Variants in CDKN2B-AS1 observed in about 807,000 individuals in gnomAD.
CDKN2B-AS1 encodes CDKN2B and CDKN2A antisense cis and trans regulatory RNA 1.
intron 1 of CDKN2B-AS1, chr9:22,029,671 A>C (rs1026827712): frequency 1.6e-5 from 8 of 491,268 alleles, no homozygotes; most frequent in Non-Finnish European, 2.9e-5. Flanking sequence ...GTTCTCTTCC[A>C]AATTTAATCT....
At chr9:22,004,357 A>G (rs1245315598) in intron 1 of CDKN2B-AS1, 5 of 232,094 alleles carry the variant, frequency 2.2e-5, no homozygotes, top group Non-Finnish European at 8.5e-6. Context: ...TGGTAGAATG[A>G]GCATTTAGAA....
At chr9:22,106,109 G>A (rs1235950429) in intron 4 of CDKN2B-AS1, among the ~76,000 whole-genome samples, 1 of 151,760 alleles carries the variant, frequency 6.6e-6, no homozygotes, top group Non-Finnish European at 1.5e-5. Context: ...TCGAGACCGT[G>A]TCTCACTCTG....
chr9:22,098,157 CTGTGTGTGTGTGTGTGTGTG>C (rs35998780), intron 4 of CDKN2B-AS1, among the ~76,000 whole-genome samples: 1 of 146,016 alleles, frequency 6.8e-6, no homozygotes, highest in African/African-American at 2.5e-5. Context: ...CTCTCTGTCT[CTGTGTGTGTGTGTGTGTGTG>C]TGTGTGTGTA....
chr9:22,031,596 T>C (rs1483683072), intron 1 of CDKN2B-AS1, among the ~76,000 whole-genome samples: 1 of 152,178 alleles, frequency 6.6e-6, no homozygotes, highest in Non-Finnish European at 1.5e-5. Flanking sequence ...TAGACCTGAT[T>C]ATTTTGTGGT....
intron 4 of CDKN2B-AS1, among the ~76,000 whole-genome samples, chr9:22,102,259 T>C (rs1825512481): frequency 6.6e-6 from 1 of 152,200 alleles, no homozygotes; most frequent in Non-Finnish European, 1.5e-5. Context: ...CGATCAGTTT[T>C]AGTACTGAAA....
intron 4 of CDKN2B-AS1, among the ~76,000 whole-genome samples, chr9:22,102,121 A>T (rs1825505642): frequency 6.6e-6 from 1 of 152,190 alleles, no homozygotes. Context: ...AAATGGGAAG[A>T]TTTGGCCGTA....
chr9:22,066,937 C>G (rs551207199), intron 4 of CDKN2B-AS1, among the ~76,000 whole-genome samples: 13 of 152,156 alleles, frequency 8.5e-5, no homozygotes, highest in Admixed American at 3.3e-4. Context: ...AAGCTGGAAA[C>G]CATCATTCTG....
intron 1 of CDKN2B-AS1, among the ~76,000 whole-genome samples, chr9:22,020,033 C>T (rs1358558778): frequency 6.6e-6 from 1 of 152,128 alleles, no homozygotes; most frequent in Non-Finnish European, 1.5e-5. Context: ...CATCTTCCAC[C>T]TTCTGATAGG....
intron 4 of CDKN2B-AS1, among the ~76,000 whole-genome samples, chr9:22,106,164 C>T (rs1174505334): frequency 6.6e-6 from 1 of 152,156 alleles, no homozygotes; most frequent in Non-Finnish European, 1.5e-5. Flanking sequence ...CTCACTGCAA[C>T]TTCCACCTCC....
rs1330529585 is a variant in CDKN2B-AS1, at chr9:22,005,757, C to T, written n.29+10596C>T. The stretch of plus-strand genomic sequence containing the variant: ...ACTCCTAAATATCCCTGGAAATCCG[C>T]TTCTCTGTGTTTCGCTTCATGGTGA... On this transcript the variant is annotated intron_variant and non_coding_transcript_variant, in intron 1 of 4. Coordinates refer to ENST00000650946, the Ensembl canonical transcript of CDKN2B-AS1. This position sits in a 1 kb window ranked among gnomAD's most constrained non-coding sequence, Gnocchi z 4.9. 2 of 615,474 alleles carry T rather than the reference C, an allele frequency of 3.2e-6. No homozygotes were observed. Among genetic ancestry groups the T allele is most frequent in the Admixed American group, 2.9e-5 (1 of 35,050 alleles). The allele number at this position is 615,474 out of a possible 1,614,324, so 38.1% of individuals were successfully genotyped here.
At chr9:22,108,448 TG>T (rs1825715826) in intron 4 of CDKN2B-AS1, among the ~76,000 whole-genome samples, 2 of 152,302 alleles carry the variant, frequency 1.3e-5, no homozygotes, top group East Asian at 3.9e-4. Flanking sequence ...AGACAATAAA[TG>T]GTTACGACTC....
chr9:22,033,773 G>A lies in CDKN2B-AS1; in HGVS notation n.30-12978G>A, dbSNP rs576815298. Among the ~76,000 whole-genome samples, 34 of 152,316 alleles carry A rather than the reference G, an allele frequency of 2.2e-4. 1 individual carries two copies. Among genetic ancestry groups the A allele is most frequent in the Middle Eastern group, 3.4e-3 (1 of 294 alleles). ...AGACTGAGGTGATGCAGTTTCACCT[G>A]TTTTGTAAGAATAACGCTGGTGTTT... is the stretch of plus-strand genomic sequence containing the variant. On this transcript the variant is annotated intron_variant and non_coding_transcript_variant, in intron 1 of 4. Transcript: ENST00000650946.
intron 4 of CDKN2B-AS1, among the ~76,000 whole-genome samples, chr9:22,104,652 A>T (rs1447125713): frequency 6.6e-6 from 1 of 152,210 alleles, no homozygotes; most frequent in African/African-American, 2.4e-5. Flanking sequence ...TCATTCATTC[A>T]TTCACTCATT....
At chr9:22,103,131 ATGTGTGTGTGTGTGTGTGTG>A (rs3221506) in intron 4 of CDKN2B-AS1, among the ~76,000 whole-genome samples, 4,401 of 132,514 alleles carry the variant, frequency 0.033, 167 homozygotes, top group African/African-American at 0.087. Flanking sequence ...TCTAGAACAG[ATGTGTGTGTGTGTGTGTGTG>A]TGTGTGTGTG....
rs1306309278 is a variant in CDKN2B-AS1, at chr9:22,039,711, A to T, written n.30-7040A>T. 6.6e-6 allele frequency among the ~76,000 whole-genome samples: 1 copy of T among 151,924 alleles called. No individual in the cohort carries two copies. Among genetic ancestry groups the T allele is most frequent in the East Asian group, 1.9e-4 (1 of 5,164 alleles). On this transcript the variant is annotated intron_variant and non_coding_transcript_variant, in intron 1 of 4. Transcript: ENST00000650946. This position sits in a 1 kb window ranked among gnomAD's most constrained non-coding sequence, Gnocchi z 4.4. The stretch of plus-strand genomic sequence containing the variant: ...TATGGCACACTGCACGGTTTTTCTG[A>T]CCTCTCAGCTCCTAAATAAACTTTG...
At chr9:22,034,555 G>A (rs1822607399) in intron 1 of CDKN2B-AS1, among the ~76,000 whole-genome samples, 1 of 152,148 alleles carries the variant, frequency 6.6e-6, no homozygotes. Flanking sequence ...ATGTCTTAGT[G>A]TAGCTGTTAA....
At chr9:22,033,807 T>G (rs1340429435) in intron 1 of CDKN2B-AS1, among the ~76,000 whole-genome samples, 2 of 152,212 alleles carry the variant, frequency 1.3e-5, no homozygotes, top group African/African-American at 4.8e-5. Context: ...TTGCCATCTA[T>G]TGACAGAGTG....
At chr9:22,018,589 A>G (rs1318182854) in intron 1 of CDKN2B-AS1, among the ~76,000 whole-genome samples, 2 of 152,192 alleles carry the variant, frequency 1.3e-5, no homozygotes, top group Non-Finnish European at 2.9e-5. Context: ...CCTGGGAGGC[A>G]GAGGTTGCCT....
intron 2 of CDKN2B-AS1, among the ~76,000 whole-genome samples, chr9:22,048,095 T>G (rs1049698813): frequency 1.3e-5 from 2 of 152,046 alleles, no homozygotes; most frequent in East Asian, 3.9e-4. Context: ...GCGCCTGACC[T>G]GGATGAGAAA....
Sources: allele counts gnomAD v4.1 joint callset (sites outside exome capture counted in the v4.1 genomes callset), GRCh38; gene constraint gnomAD v4.1.1; non-coding constraint Gnocchi (gnomAD v3.1); transcripts MANE v1.5; gene names NCBI Gene and HGNC (gene_info 2026-07-23, HGNC 2026-07-21).